The following SECTM1 variants were observed in gnomAD, a reference collection of about 807,000 sequenced individuals.
The protein encoded by SECTM1 is secreted and transmembrane 1.
In SECTM1, 10 loss-of-function variants were observed where a neutral mutation model predicts 18.1. The observed-to-expected ratio is 0.55, with a 90% confidence interval of 0.34 to 0.94. The LOEUF (loss-of-function observed/expected upper bound fraction) is 0.94, where lower values mean the gene tolerates loss of function less well. Ranked by LOEUF, SECTM1 falls within the 40% of genes least tolerant of loss-of-function variation. SECTM1 has a pLI of 0.02. For synonymous variants in SECTM1, 137 were observed against 139.2 expected (o/e 0.98, Z 0.11); for missense variants, 297 against 322.6 (o/e 0.92, Z 0.61).
rs745429541 is a variant in SECTM1, at chr17:82,327,266, C to A, written c.-26G>T. ...GGCTGGTGGGACTTGGGCCCCTGGT[C>A]CTTGTCACTGGCTCTTGAAACACTC... On this transcript the variant is annotated 5_prime_UTR_variant, in exon 2 of 5. Coordinates refer to ENST00000269389, the MANE Select transcript of SECTM1 (RefSeq NM_003004.3). 8 of 1,572,682 alleles carry A rather than the reference C, an allele frequency of 5.1e-6. No individual in the cohort carries two copies. In the African/African-American group the frequency reaches 1.1e-4, roughly 21 times the overall value.
chr17:82,324,964 CCAGGGCCAGGGCAGGAGA>C, intron 2 of SECTM1, 74 bp from the exon 3 acceptor site: 4 of 1,441,134 alleles, frequency 2.8e-6, no homozygotes, highest in Non-Finnish European at 3.8e-6. Context: ...GTGCCCAGGG[CCAGGGCCAGGGCAGGAGA>C]CAGGGCCTCT....
At chr17:82,322,601 A>G (rs1233216215) in intron 4 of SECTM1, among the ~76,000 whole-genome samples, 1 of 148,590 alleles carries the variant, frequency 6.7e-6, no homozygotes, top group Non-Finnish European at 1.5e-5. Context: ...TCCGTCCCTG[A>G]TGGAGACCAC....
In SECTM1 at chr17:82,327,369, G is replaced by A. The variant is rs541576046; in HGVS notation, c.-52-77C>T. On this transcript the variant is annotated intron_variant, in intron 1 of 4. Coordinates refer to ENST00000269389, the MANE Select transcript of SECTM1 (RefSeq NM_003004.3). ...ACAGCGGGAGCGGCTGTCACCTGGC[G>A]GGGGCTGGGAGGCTGGGGGTCCCCG... The A allele has an allele frequency of 7.9e-3, 6,610 of 841,038 alleles. 46 individuals carry two copies. The highest frequency in any genetic ancestry group is 0.017 in the Middle Eastern group (74 of 4,438). 52.1% of individuals were successfully genotyped at this position (841,038 alleles called of 1,614,324 possible).
In SECTM1 at chr17:82,326,611, C is replaced by CA. The variant is rs202062565; in HGVS notation, c.94+535dup. ...TGGGCGATAGAGGTAGAACCCGTCT[C>CA]AAAAAAAAAAGATAAGAAAAGAAAA... On this transcript the variant is annotated intron_variant, in intron 2 of 4. Transcript: ENST00000269389. This position sits in a 1 kb window ranked among gnomAD's most constrained non-coding sequence, Gnocchi z 4.3. Among the ~76,000 whole-genome samples, 103 of 86,536 alleles carry CA rather than the reference C, an allele frequency of 1.2e-3. No homozygotes were observed. Among genetic ancestry groups the CA allele is most frequent in the African/African-American group, 3.2e-3 (77 of 23,812 alleles). 56.8% of individuals were successfully genotyped at this position (86,536 alleles called of 152,430 possible).
rs545412396 is a variant in SECTM1, at chr17:82,325,117, C to T, written c.95-227G>A. 1.3e-5 allele frequency among the ~76,000 whole-genome samples: 2 copies of T among 152,146 alleles called. No individual in the cohort carries two copies. Among genetic ancestry groups the T allele is most frequent in the East Asian group, 1.9e-4 (1 of 5,176 alleles). Reference sequence around the variant, plus strand: ...GTGTGTGTGTATGTGTGTGTGTGTGCGTGCTCACACCCACGTCTGTTCCTT... The same window carrying T: ...GTGTGTGTGTATGTGTGTGTGTGTGTGTGCTCACACCCACGTCTGTTCCTT... On this transcript the variant is annotated intron_variant, in intron 2 of 4. Transcript: ENST00000269389. The surrounding 1 kb of genome is among the most constrained non-coding windows in gnomAD (Gnocchi z 7.6).
At chr17:82,327,110 C>G (rs780683611) in intron 2 of SECTM1, 37 bp downstream of exon 2, 5 of 1,537,570 alleles carry the variant, frequency 3.3e-6, no homozygotes, top group Admixed American at 1.8e-5. Flanking sequence ...ACCGGGCCCC[C>G]CTTTCCCCAG....
rs1032998330 is a variant in SECTM1 at position 82,330,821 on chromosome 17, G to T, written c.-53+2879C>A. Among the ~76,000 whole-genome samples the T allele has an allele frequency of 2.0e-5, 3 of 152,050 alleles. No homozygotes were observed. The East Asian group carries it at 5.8e-4, about 29-fold the overall frequency. On this transcript the variant is annotated intron_variant, in intron 1 of 4. Coordinates refer to ENST00000269389, the MANE Select transcript of SECTM1 (RefSeq NM_003004.3). The surrounding 1 kb of genome is among the most constrained non-coding windows in gnomAD (Gnocchi z 6.1). ...CCTGGGCTGCAGTGGTTGGGGAGAG[G>T]GGGGTGGGAGTGAGAAGCTGGCACT...
At chr17:82,323,540 G>A (rs1418015438) in intron 3 of SECTM1, among the ~76,000 whole-genome samples, 1 of 122,462 alleles carries the variant, frequency 8.2e-6, no homozygotes, top group Non-Finnish European at 1.7e-5. Context: ...AGCTTTGCAG[G>A]AAAGGGAGGG....
In SECTM1 at chr17:82,328,762, G is replaced by A. The variant is rs2052168306; in HGVS notation, c.-52-1470C>T. On this transcript the variant is annotated intron_variant, in intron 1 of 4. Coordinates refer to ENST00000269389, the MANE Select transcript of SECTM1 (RefSeq NM_003004.3). This position sits in a 1 kb window ranked among gnomAD's most constrained non-coding sequence, Gnocchi z 5.8. ...CCCTGGCAGGACACGCCTTTCAGCC[G>A]AGAGAACTCCACCTTCGAAGGCGGC... Among the ~76,000 whole-genome samples the A allele has an allele frequency of 6.6e-6, 1 of 152,176 alleles. No individual in the cohort carries two copies.
In SECTM1 at chr17:82,326,671, C is replaced by T. The variant is rs1018006034; in HGVS notation, c.94+476G>A. Among the ~76,000 whole-genome samples, 2 of 151,904 alleles carry T rather than the reference C, an allele frequency of 1.3e-5. No individual in the cohort carries two copies. Among genetic ancestry groups the T allele is most frequent in the African/African-American group, 4.8e-5 (2 of 41,368 alleles). On this transcript the variant is annotated intron_variant, in intron 2 of 4. Transcript: ENST00000269389. This position sits in a 1 kb window ranked among gnomAD's most constrained non-coding sequence, Gnocchi z 4.3. ...GTCACTTTGCTGACAGGTTGGGGATCTAGAGAGCTGGGGAGGATCTCACTG... is the reference window on the plus strand; with the variant it reads ...GTCACTTTGCTGACAGGTTGGGGATTTAGAGAGCTGGGGAGGATCTCACTG...
chr17:82,322,313 G>C lies in SECTM1; in HGVS notation c.595C>G (p.Gln199Glu), dbSNP rs756301354. Residue 199 changes from glutamine to glutamate, a missense_variant, in exon 5 of 5, where the codon CAG becomes GAG. Coordinates refer to ENST00000269389, the MANE Select transcript of SECTM1 (RefSeq NM_003004.3). ...GCGGAGGCTCTGCTCAGGCCCTGCT[G>C]GGCTCCCGCTCTGAGGGCTGCGACC... The part of the protein sequence containing the change: ...MKVAALRAGA[Q>E]QGLSRASAEL... 1.6e-5 allele frequency: 26 copies of C among 1,613,358 alleles called. No homozygotes were observed. In the Admixed American group the frequency reaches 4.0e-4, roughly 25 times the overall value.
chr17:82,321,125 G>A lies in SECTM1; in HGVS notation c.*1036C>T, dbSNP rs999810684. On this transcript the variant is annotated 3_prime_UTR_variant, in exon 5 of 5. Transcript: ENST00000269389. Reference sequence around the variant, plus strand: ...CGACCCTCAGGGCGGCCGGCTGTGCGAGGCCTCGGTCACCGGGCGCCGCCG... The same window carrying A: ...CGACCCTCAGGGCGGCCGGCTGTGCAAGGCCTCGGTCACCGGGCGCCGCCG... The A allele has an allele frequency of 1.3e-5, 2 of 152,288 alleles. No homozygotes were observed. Among genetic ancestry groups the A allele is most frequent in the East Asian group, 3.9e-4 (2 of 5,170 alleles). 9.4% of individuals were successfully genotyped at this position (152,288 alleles called of 1,614,324 possible). A position where few individuals can be genotyped will look rare whatever the true frequency, so the allele number is the denominator to read the frequency against.
rs1192469136 is a variant in SECTM1, at chr17:82,330,166, G to A, written c.-52-2874C>T. On this transcript the variant is annotated intron_variant, in intron 1 of 4. Transcript: ENST00000269389. This position sits in a 1 kb window ranked among gnomAD's most constrained non-coding sequence, Gnocchi z 6.1. ...CAGCTCAGCCACCCACCTTGGAACC[G>A]TGCAGATGGACAGCAGGGAGGGTCG... 2.6e-5 allele frequency among the ~76,000 whole-genome samples: 4 copies of A among 152,156 alleles called. No homozygotes were observed. The highest frequency in any genetic ancestry group is 4.8e-5 in the African/African-American group (2 of 41,442).
chr17:82,323,223 G>A (rs535472055), intron 3 of SECTM1: 22 of 585,566 alleles, frequency 3.8e-5, no homozygotes, highest in East Asian at 2.0e-4. Flanking sequence ...GACCCAGAGC[G>A]CAGGTGTGTC....
chr17:82,324,462 T>G, intron 3 of SECTM1, 120 bp downstream of exon 3: 3 of 1,114,682 alleles, frequency 2.7e-6, no homozygotes, highest in Non-Finnish European at 1.3e-6. Context: ...GCCCGGCTCA[T>G]GCCTGCTCTT....
At chr17:82,323,599 C>G (rs1158237032) in intron 3 of SECTM1, among the ~76,000 whole-genome samples, 2 of 149,512 alleles carry the variant, frequency 1.3e-5, no homozygotes, top group African/African-American at 2.5e-5. Flanking sequence ...TGGCCCCGCA[C>G]GGTGGGGTGG....
rs1249449356 is a variant in SECTM1, at chr17:82,325,835, G to A, written c.95-945C>T. 6.6e-6 allele frequency among the ~76,000 whole-genome samples: 1 copy of A among 152,244 alleles called. No individual in the cohort carries two copies. Among genetic ancestry groups the A allele is most frequent in the Non-Finnish European group, 1.5e-5 (1 of 68,040 alleles). On this transcript the variant is annotated intron_variant, in intron 2 of 4. Transcript: ENST00000269389. This position sits in a 1 kb window ranked among gnomAD's most constrained non-coding sequence, Gnocchi z 7.6. The stretch of plus-strand genomic sequence containing the variant: ...TGGACGGACAGACGGACGGCAGGGT[G>A]AGCTCTCGGGGAGCACACAGCATGC...
chr17:82,332,216 A>G (rs2052196931), intron 1 of SECTM1, among the ~76,000 whole-genome samples: 1 of 152,222 alleles, frequency 6.6e-6, no homozygotes, highest in African/African-American at 2.4e-5. Context: ...CTCTCAAACC[A>G]CGAACACAGG....
Position 82,321,990 on chromosome 17 carries a change from G to C in SECTM1, c.*171C>G. ...GAGGAAGCAGAGCTTGGAAGACCTG[G>C]GGGGTGGAGGGGAAGGGTCTGCACG... On this transcript the variant is annotated 3_prime_UTR_variant, in exon 5 of 5. Transcript: ENST00000269389. 1.7e-6 allele frequency: 1 copy of C among 599,282 alleles called. No homozygotes were observed. Among genetic ancestry groups the C allele is most frequent in the Non-Finnish European group, 2.9e-6 (1 of 340,922 alleles). 37.1% of individuals were successfully genotyped at this position (599,282 alleles called of 1,614,324 possible). A position where few individuals can be genotyped will look rare whatever the true frequency, so the allele number is the denominator to read the frequency against.
Sources: gnomAD v4.1 joint callset for allele counts (sites outside exome capture counted in the v4.1 genomes callset) on GRCh38, gnomAD v4.1.1 for gene constraint, Gnocchi (gnomAD v3.1) non-coding constraint, MANE v1.5 for transcripts, NCBI Gene and HGNC (gene_info 2026-07-23, HGNC 2026-07-21) for gene names.